The following ZNF567 variants were observed in gnomAD, a reference collection of about 807,000 sequenced individuals.
ZNF567 encodes zinc finger protein 567.
In ZNF567, 36 loss-of-function variants were observed where a neutral mutation model predicts 53.9. The ratio of observed to expected loss-of-function variants is 0.67; its 90% CI spans 0.51 to 0.88. ZNF567 has a LOEUF of 0.88. ZNF567 is among the 40% of genes least tolerant of loss of function. ZNF567 has a pLI of 0.00. For synonymous variants in ZNF567, 224 were observed against 260.4 expected (o/e 0.86, Z 1.35); for missense variants, 619 against 764.7 (o/e 0.81, Z 2.25).
chr19:36,695,132 C>T (rs1385017571), intron 3 of ZNF567, among the ~76,000 whole-genome samples: 2 of 151,632 alleles, frequency 1.3e-5, no homozygotes, highest in Non-Finnish European at 2.9e-5. Flanking sequence ...ACTTCGCTCC[C>T]AGCACTTTGA....
upstream of ZNF567, chr19:36,687,602 G>A (rs907425889): frequency 6.6e-6 from 1 of 152,390 alleles, no homozygotes; most frequent in African/African-American, 2.4e-5. Flanking sequence ...GCGTGGGAGT[G>A]CGCATGCGCA....
At chr19:36,713,487 G>T (rs1288476741) in intron 5 of ZNF567, among the ~76,000 whole-genome samples, 1 of 151,208 alleles carries the variant, frequency 6.6e-6, no homozygotes, top group African/African-American at 2.4e-5. Context: ...GCATACACCT[G>T]TGGTTCCAGC....
downstream of ZNF567, among the ~76,000 whole-genome samples, chr19:36,724,831 G>C (rs8104355): frequency 0.046 from 6,973 of 151,106 alleles, 464 homozygotes; most frequent in African/African-American, 0.14. Flanking sequence ...CTGAGTGACA[G>C]AGTAAGACTC....
chr19:36,723,176 C>T (rs771819542), downstream of ZNF567: 6 of 702,772 alleles, frequency 8.5e-6, no homozygotes, highest in South Asian at 8.9e-5. Context: ...GGAAGCCTAC[C>T]TTGTTTTTCT....
In ZNF567 at chr19:36,712,468, A is replaced by G. The variant is rs1476211961; in HGVS notation, c.92A>G (p.Tyr31Cys). The change falls in exon 4 of 6, where the codon TAT becomes TGT. Residue 31 changes from tyrosine to cysteine, a missense_variant. By Grantham distance (194) the Tyr-to-Cys change is radical. Transcript: ENST00000682579. ...CTGGATCATGCTCAGAAGACTCTAT[A>G]TATGGATGTGATGTTGGAAAACTAT... ...QHLDHAQKTL[Y>C]MDVMLENYCH... 3 of 1,613,980 alleles carry G rather than the reference A, an allele frequency of 1.9e-6. No homozygotes were observed. Among genetic ancestry groups the G allele is most frequent in the African/African-American group, 1.3e-5 (1 of 74,920 alleles).
chr19:36,699,395 G>A (rs2039058794), intron 3 of ZNF567, among the ~76,000 whole-genome samples: 2 of 152,164 alleles, frequency 1.3e-5, no homozygotes, highest in African/African-American at 4.8e-5. Context: ...GGATTGACTT[G>A]GCGATGTGGG....
At chr19:36,692,289 T>TA (rs2038657162) in intron 2 of ZNF567, among the ~76,000 whole-genome samples, 1 of 152,236 alleles carries the variant, frequency 6.6e-6, no homozygotes, top group Non-Finnish European at 1.5e-5. Context: ...GATAAAATGG[T>TA]AAAAACACGC....
chr19:36,724,481 A>C (rs75939395), downstream of ZNF567, among the ~76,000 whole-genome samples: 830 of 151,688 alleles, frequency 5.5e-3, 23 homozygotes, highest in Admixed American at 0.037. Context: ...TCAGAAGTTC[A>C]AGACCAGTCT....
At chr19:36,674,222 C>G in the ZNF567 span, among the ~76,000 whole-genome samples, 5 of 152,292 alleles carry the variant, frequency 3.3e-5, no homozygotes, top group South Asian at 1.0e-3. Context: ...GAGTAAGACA[C>G]TGGCATGCCT....
chr19:36,689,744 A>G (rs1304756430), intron 2 of ZNF567, among the ~76,000 whole-genome samples: 2 of 152,064 alleles, frequency 1.3e-5, no homozygotes, highest in Non-Finnish European at 2.9e-5. Flanking sequence ...CACCTCAGTC[A>G]CTTTGCCCTC....
At chr19:36,695,502 AT>A (rs1157658846) in intron 3 of ZNF567, among the ~76,000 whole-genome samples, 6 of 152,156 alleles carry the variant, frequency 3.9e-5, no homozygotes, top group African/African-American at 1.2e-4. Context: ...GCACTCCAGC[AT>A]GGGTGTCAAA....
rs144578790 is a variant in ZNF567, at chr19:36,697,529, T to TAAG, written c.9+2653_9+2654insAAG. Among the ~76,000 whole-genome samples the TAAG allele has an allele frequency of 7.1e-3, 1,088 of 152,270 alleles. 11 individuals carry two copies. Among genetic ancestry groups the TAAG allele is most frequent in the African/African-American group, 0.024 (1,012 of 41,576 alleles). On this transcript the variant is annotated intron_variant, in intron 3 of 5. Transcript: ENST00000682579. ...TGAGTAGAAGTTCTAAGAACAGACT[T>TAAG]TCTTGTCTTGTGCCCAACTTAGGCA... is the stretch of plus-strand genomic sequence containing the variant.
In ZNF567 at chr19:36,719,868, C is replaced by T. The variant is rs764516915; in HGVS notation, c.1144C>T (p.Leu382=). 3 of 1,606,232 alleles carry T rather than the reference C, an allele frequency of 1.9e-6. No homozygotes were observed. The highest frequency in any genetic ancestry group is 2.6e-6 in the Non-Finnish European group (3 of 1,175,448). ...KSFRQKTTLS[L]HQRIHTGEKP... is the part of the protein sequence containing the mutation. ...CTTCCGCCAGAAGACAACACTCTCT[C>T]TACATCAGAGAATCCATACAGGTGA... Residue 382 remains leucine (L), a synonymous_variant, in exon 6 of 6, where the codon CTA becomes TTA. Coordinates refer to ENST00000682579, the MANE Select transcript of ZNF567 (RefSeq NM_001322917.1).
the ZNF567 span, among the ~76,000 whole-genome samples, chr19:36,682,515 G>T: frequency 6.6e-6 from 1 of 150,920 alleles, no homozygotes; most frequent in African/African-American, 2.4e-5. Context: ...ATTGGGAAGA[G>T]ATATGAGGGA....
chr19:36,680,715 G>A, the ZNF567 span, among the ~76,000 whole-genome samples: 1 of 152,156 alleles, frequency 6.6e-6, no homozygotes, highest in South Asian at 2.1e-4. Flanking sequence ...AGAGATTCTA[G>A]GGGAGAAGCC....
At chr19:36,683,263 G>A (rs1477111902), upstream of ZNF567, among the ~76,000 whole-genome samples, 6 of 151,684 alleles carry the variant, frequency 4.0e-5, no homozygotes, top group African/African-American at 1.5e-4. Flanking sequence ...GTAGATACGG[G>A]GTTTCACCAT....
chr19:36,723,849 T>C (rs1163247735), downstream of ZNF567, among the ~76,000 whole-genome samples: 1 of 151,970 alleles, frequency 6.6e-6, no homozygotes, highest in Non-Finnish European at 1.5e-5. Context: ...GAAAATATAA[T>C]CATGAATATA....
the ZNF567 span, among the ~76,000 whole-genome samples, chr19:36,672,236 C>G: frequency 6.6e-6 from 1 of 152,128 alleles, no homozygotes; most frequent in East Asian, 1.9e-4. Context: ...CATTATATAC[C>G]AACTCATGCA....
chr19:36,721,552 A>G (rs1045860300), downstream of ZNF567, among the ~76,000 whole-genome samples: 6 of 152,234 alleles, frequency 3.9e-5, no homozygotes, highest in South Asian at 4.2e-4. Flanking sequence ...CTGTCTCTCA[A>G]TGCTTAAATG....
Sources: gnomAD v4.1 joint callset for allele counts (sites outside exome capture counted in the v4.1 genomes callset) on GRCh38, gnomAD v4.1.1 for gene constraint, MANE v1.5 for transcripts, NCBI Gene and HGNC (gene_info 2026-07-23, HGNC 2026-07-21) for gene names.